The following PYM1 variants were observed in gnomAD, a reference collection of about 807,000 sequenced individuals.
PYM1 encodes the protein partner of Y14 and mago.
Under a neutral mutation model 20.7 loss-of-function variants are expected in PYM1, and 7 were observed. That is an observed-to-expected ratio of 0.34 (90% CI 0.19 to 0.64). PYM1 has a LOEUF of 0.64. PYM1 is among the 30% of genes least tolerant of loss of function. The pLI, the probability that PYM1 is intolerant of heterozygous loss-of-function variation, is 0.74. For synonymous variants in PYM1, 100 were observed against 99.2 expected (o/e 1.01, Z -0.05); for missense variants, 194 against 250.0 (o/e 0.78, Z 1.51).
chr12:55,916,572 C>T (rs1009422512), intron 1 of PYM1, among the ~76,000 whole-genome samples: 1 of 151,760 alleles, frequency 6.6e-6, no homozygotes, highest in Non-Finnish European at 1.5e-5. Flanking sequence ...CAGAGGCGGG[C>T]GGATCACCTG....
At chr12:55,912,959 C>T (rs55858839) in intron 1 of PYM1, among the ~76,000 whole-genome samples, 5,530 of 151,780 alleles carry the variant, frequency 0.036, 139 homozygotes, top group Non-Finnish European at 0.059. Flanking sequence ...AGCAAAACTC[C>T]GTCTCAAAAG....
intron 1 of PYM1, among the ~76,000 whole-genome samples, chr12:55,912,747 C>T (rs996322317): frequency 1.3e-5 from 2 of 151,928 alleles, no homozygotes; most frequent in African/African-American, 4.8e-5. Context: ...GGTGGATCAT[C>T]TGAGGTCAGG....
chr12:55,924,328 A>G (rs147549173), intron 1 of PYM1, among the ~76,000 whole-genome samples: 1 of 152,132 alleles, frequency 6.6e-6, no homozygotes, highest in Non-Finnish European at 1.5e-5. Flanking sequence ...GGAAACAGAA[A>G]TATCAGGAGA....
chr12:55,922,445 C>CAAA (rs56355933), intron 1 of PYM1, among the ~76,000 whole-genome samples: 55,273 of 85,666 alleles, frequency 0.65, 17,337 homozygotes, highest in South Asian at 0.74. Context: ...CCATCTTTAC[C>CAAA]AAAAAAAAAA....
At chr12:55,919,670 GGC>G (rs1883065197) in intron 1 of PYM1, among the ~76,000 whole-genome samples, 1 of 151,964 alleles carries the variant, frequency 6.6e-6, no homozygotes, top group Non-Finnish European at 1.5e-5. Context: ...GGCCAAGGCA[GGC>G]AGATCACCTG....
chr12:55,925,565 A>T (rs1883173891), intron 1 of PYM1, among the ~76,000 whole-genome samples: 1 of 152,228 alleles, frequency 6.6e-6, no homozygotes, highest in Non-Finnish European at 1.5e-5. Context: ...AATATGATGC[A>T]ATAGGTCTGG....
At chr12:55,913,452 C>T (rs896704537) in intron 1 of PYM1, among the ~76,000 whole-genome samples, 2 of 152,184 alleles carry the variant, frequency 1.3e-5, no homozygotes, top group African/African-American at 4.8e-5. Flanking sequence ...CTCCAACCTC[C>T]ACTGAGTTTG....
intron 1 of PYM1, among the ~76,000 whole-genome samples, chr12:55,912,854 C>G (rs1382308925): frequency 2.6e-5 from 4 of 151,370 alleles, no homozygotes; most frequent in Non-Finnish European, 5.9e-5. Context: ...ATCCCAGCTA[C>G]TTGGGAGCCT....
intron 2 of PYM1, 68 bp downstream of exon 2, chr12:55,903,319 C>A: frequency 7.1e-7 from 1 of 1,402,216 alleles, no homozygotes; most frequent in Non-Finnish European, 1.0e-6. Flanking sequence ...AACTTGTAGG[C>A]ATAAGGATAT....
chr12:55,927,884 T>C lies in PYM1; in HGVS notation c.-123A>G. ...CTAGTTGCTTCTCGCCCAGACCTCC[T>C]AACCCTGAGTGCCTCCTCGGGCTGG... On this transcript the variant is annotated 5_prime_UTR_variant, in exon 1 of 3. Transcript: ENST00000408946. 7.8e-7 allele frequency: 1 copy of C among 1,281,000 alleles called. No individual in the cohort carries two copies. Among genetic ancestry groups the C allele is most frequent in the Non-Finnish European group, 1.1e-6 (1 of 945,606 alleles). 79.4% of individuals were successfully genotyped at this position (1,281,000 alleles called of 1,614,324 possible). A position where few individuals can be genotyped will look rare whatever the true frequency, so the allele number is the denominator to read the frequency against.
chr12:55,923,784 A>T (rs989291534), intron 1 of PYM1, among the ~76,000 whole-genome samples: 3 of 152,064 alleles, frequency 2.0e-5, no homozygotes, highest in Non-Finnish European at 4.4e-5. Context: ...TTAGAATATT[A>T]AAAAAAGAAA....
Position 55,927,506 on chromosome 12 carries a change from C to T in PYM1, c.37+219G>A. 8.7e-6 allele frequency: 6 copies of T among 690,442 alleles called. No homozygotes were observed. In the Admixed American group the frequency reaches 1.5e-4, roughly 17 times the overall value. 42.8% of individuals were successfully genotyped at this position (690,442 alleles called of 1,614,324 possible). A position where few individuals can be genotyped will look rare whatever the true frequency, so the allele number is the denominator to read the frequency against. ...AAAGGAAGAATATCCAGGCTCTGGC[C>T]TGCACCCAGATCTCAGAGCGGCTTG... On this transcript the variant is annotated intron_variant, in intron 1 of 2. Coordinates refer to ENST00000408946, the MANE Select transcript of PYM1 (RefSeq NM_032345.3).
intron 1 of PYM1, chr12:55,927,370 T>G: frequency 2.8e-6 from 2 of 721,300 alleles, no homozygotes; most frequent in Non-Finnish European, 5.0e-6. Flanking sequence ...CCAAGAGAAG[T>G]TCCGAGGCAC....
At chr12:55,926,822 G>A (rs1045532386) in intron 1 of PYM1, among the ~76,000 whole-genome samples, 1 of 152,152 alleles carries the variant, frequency 6.6e-6, no homozygotes, top group African/African-American at 2.4e-5. Flanking sequence ...AAAAGCTAAG[G>A]GCCCGTGAGG....
intron 1 of PYM1, among the ~76,000 whole-genome samples, chr12:55,910,563 C>T (rs1338432075): frequency 6.6e-6 from 1 of 152,126 alleles, no homozygotes; most frequent in East Asian, 1.9e-4. Context: ...TTGCCTCAGT[C>T]TCCCGAGTAC....
chr12:55,914,284 T>C (rs1295448042), intron 1 of PYM1: 1 of 702,288 alleles, frequency 1.4e-6, no homozygotes, highest in Admixed American at 2.0e-5. Context: ...ACCTATTTTA[T>C]GTTATCTTGG....
At chr12:55,914,220 C>CTT in intron 1 of PYM1, 1 of 687,074 alleles carries the variant, frequency 1.5e-6, no homozygotes, top group African/African-American at 1.8e-5. Context: ...TCTTGAATGG[C>CTT]CATCCTGTGT....
intron 1 of PYM1, among the ~76,000 whole-genome samples, chr12:55,924,634 G>A (rs1202245974): frequency 6.6e-6 from 1 of 152,092 alleles, no homozygotes; most frequent in Admixed American, 6.6e-5. Context: ...GAAAAGGTTG[G>A]GGAAACAGCT....
intron 1 of PYM1, among the ~76,000 whole-genome samples, chr12:55,905,094 C>T (rs1361328134): frequency 4.6e-5 from 7 of 151,296 alleles, no homozygotes; most frequent in Non-Finnish European, 8.8e-5. Flanking sequence ...CTCTGCCTCC[C>T]GGGTTCACGC....
Sources: allele counts gnomAD v4.1 joint callset (sites outside exome capture counted in the v4.1 genomes callset), GRCh38; gene constraint gnomAD v4.1.1; transcripts MANE v1.5; gene names NCBI Gene and HGNC (gene_info 2026-07-23, HGNC 2026-07-21).